INPP4B: variants seen among roughly 807,000 people sequenced by gnomAD.
INPP4B encodes inositol polyphosphate-4-phosphatase type II B.
Under a neutral mutation model 122.5 loss-of-function variants are expected in INPP4B, and 55 were observed. That is an observed-to-expected ratio of 0.45 (90% CI 0.36 to 0.56). The LOEUF (loss-of-function observed/expected upper bound fraction) is 0.56, where lower values mean the gene tolerates loss of function less well. INPP4B is among the 20% of genes least tolerant of loss of function. INPP4B has a pLI of 0.00. For missense variants in INPP4B, 1,000 were observed against 1,097.7 expected (o/e 0.91, Z 1.26); for synonymous variants, 403 against 388.7 (o/e 1.04, Z -0.43).
At chr4:142,355,728 C>G (rs1308769939) in intron 7 of INPP4B, among the ~76,000 whole-genome samples, 1 of 151,946 alleles carries the variant, frequency 6.6e-6, no homozygotes, top group Non-Finnish European at 1.5e-5. Context: ...CAGTTTCTGG[C>G]AAGACTAAAG....
intron 23 of INPP4B, among the ~76,000 whole-genome samples, chr4:142,089,650 G>C (rs762394290): frequency 7.6e-4 from 21 of 27,636 alleles, no homozygotes; most frequent in Non-Finnish European, 7.2e-3. Context: ...AAAGAAAAAA[G>C]CTTACTTTAC....
At chr4:142,361,813 G>A (rs932614847) in intron 7 of INPP4B, among the ~76,000 whole-genome samples, 2 of 151,684 alleles carry the variant, frequency 1.3e-5, no homozygotes, top group Non-Finnish European at 2.9e-5. Context: ...TATGATAGTA[G>A]ACAAAAGAAT....
chr4:142,115,054 G>C (rs894073078), intron 21 of INPP4B, among the ~76,000 whole-genome samples: 2 of 151,928 alleles, frequency 1.3e-5, no homozygotes, highest in Non-Finnish European at 2.9e-5. Flanking sequence ...TGGAAGAAAG[G>C]GTATCAGTGA....
intron 1 of INPP4B, among the ~76,000 whole-genome samples, chr4:142,753,931 T>C (rs1770113830): frequency 6.6e-6 from 1 of 152,046 alleles, no homozygotes; most frequent in Non-Finnish European, 1.5e-5. Flanking sequence ...ATTCTCCTTC[T>C]ACTTTCTTTC....
chr4:142,317,299 T>C (rs1768104288), intron 7 of INPP4B: 1 of 378,740 alleles, frequency 2.6e-6, no homozygotes, highest in Non-Finnish European at 5.3e-6. Context: ...CTCGATCTTA[T>C]CAGGCTCAGC....
At chr4:142,293,802 T>A (rs937541031) in intron 9 of INPP4B, among the ~76,000 whole-genome samples, 3 of 152,244 alleles carry the variant, frequency 2.0e-5, no homozygotes, top group Non-Finnish European at 4.4e-5. Context: ...GGGTAATACA[T>A]TGCCAAGAGG....
At chr4:142,666,354 T>C (rs1384133695) in intron 2 of INPP4B, among the ~76,000 whole-genome samples, 1 of 152,036 alleles carries the variant, frequency 6.6e-6, no homozygotes, top group Non-Finnish European at 1.5e-5. Flanking sequence ...ATATAAAAAG[T>C]AAAGCTTAAA....
chr4:142,494,482 T>C (rs925226203), intron 2 of INPP4B, among the ~76,000 whole-genome samples: 4 of 152,182 alleles, frequency 2.6e-5, no homozygotes, highest in African/African-American at 9.6e-5. Context: ...TCTCTTCAGC[T>C]AGCAGAACCT....
At chr4:142,239,376 C>A (rs146726608) in intron 11 of INPP4B, among the ~76,000 whole-genome samples, 1 of 152,054 alleles carries the variant, frequency 6.6e-6, no homozygotes, top group African/African-American at 2.4e-5. Flanking sequence ...TACACTATTT[C>A]TAGCATGTTG....
intron 5 of INPP4B, among the ~76,000 whole-genome samples, chr4:142,426,217 A>T (rs1032852023): frequency 6.6e-6 from 1 of 151,970 alleles, no homozygotes; most frequent in African/African-American, 2.4e-5. Flanking sequence ...GAAAAACCTT[A>T]AAGTAGTTCA....
intron 1 of INPP4B, chr4:142,795,723 C>T (rs1163868910): frequency 6.6e-6 from 1 of 151,790 alleles, no homozygotes; most frequent in East Asian, 1.9e-4. Flanking sequence ...TCTATTTTAC[C>T]AAAGCAACCA....
rs927110713 is a variant in INPP4B, at chr4:142,346,636, G to C, written c.373-31874C>G. ...ACAAAAAAATTGAAACAGAGGGCTT[G>C]AGAGCTACTTAAAAAGATAAATTTT... On this transcript the variant is annotated intron_variant, in intron 7 of 25. Transcript: ENST00000262992. Among the ~76,000 whole-genome samples, 13 of 152,058 alleles carry C rather than the reference G, an allele frequency of 8.5e-5. 1 individual carries two copies. The highest frequency in any genetic ancestry group is 6.6e-4 in the Admixed American group (10 of 15,242).
At chr4:142,484,788 G>A (rs1821008131) in intron 2 of INPP4B, among the ~76,000 whole-genome samples, 3 of 151,904 alleles carry the variant, frequency 2.0e-5, no homozygotes, top group African/African-American at 7.2e-5. Context: ...ACAGGTCCCT[G>A]TGTGTGTTAT....
chr4:142,846,227 G>C lies in INPP4B; in HGVS notation c.-272C>G, dbSNP rs1347456459. On this transcript the variant is annotated 5_prime_UTR_variant, in exon 1 of 26. Transcript: ENST00000262992. This position sits in a 1 kb window ranked among gnomAD's most constrained non-coding sequence, Gnocchi z 5.1. ...TAATTACCTCTCCCGGAGGCGGAGT[G>C]GGGGGCGGCAGCAGCAGCAGACACT... The C allele has an allele frequency of 1.3e-5, 2 of 152,566 alleles. No individual in the cohort carries two copies. Among genetic ancestry groups the C allele is most frequent in the Non-Finnish European group, 2.9e-5 (2 of 68,508 alleles). 9.5% of individuals were successfully genotyped at this position (152,566 alleles called of 1,614,324 possible).
intron 1 of INPP4B, among the ~76,000 whole-genome samples, chr4:142,845,124 C>T (rs1413241536): frequency 6.6e-6 from 1 of 152,048 alleles, no homozygotes; most frequent in Non-Finnish European, 1.5e-5. Context: ...ATAGAAAACC[C>T]TACCGGGTTT....
chr4:142,545,647 T>C (rs914498239), intron 2 of INPP4B, among the ~76,000 whole-genome samples: 2 of 147,626 alleles, frequency 1.4e-5, no homozygotes, highest in Non-Finnish European at 3.0e-5. Context: ...CTATTTTATC[T>C]AGCCTGTGCA....
At chr4:142,394,967 T>A (rs903286808) in intron 7 of INPP4B, among the ~76,000 whole-genome samples, 1 of 152,252 alleles carries the variant, frequency 6.6e-6, no homozygotes, top group African/African-American at 2.4e-5. Context: ...AAGAAATTCA[T>A]AATTAAACTT....
chr4:142,311,960 C>G (rs185900201), intron 8 of INPP4B, among the ~76,000 whole-genome samples: 5 of 152,204 alleles, frequency 3.3e-5, no homozygotes, highest in Non-Finnish European at 7.4e-5. Flanking sequence ...AGCTGAAGCC[C>G]TGGACAATTT....
chr4:142,716,993 G>T (rs886663816), intron 2 of INPP4B, among the ~76,000 whole-genome samples: 2 of 152,084 alleles, frequency 1.3e-5, no homozygotes, highest in Admixed American at 6.5e-5. Context: ...AGGATAAATG[G>T]TTACTATGAT....
Sources: allele counts gnomAD v4.1 joint callset (sites outside exome capture counted in the v4.1 genomes callset), GRCh38; gene constraint gnomAD v4.1.1; non-coding constraint Gnocchi (gnomAD v3.1); transcripts MANE v1.5; gene names NCBI Gene and HGNC (gene_info 2026-07-23, HGNC 2026-07-21).